The following NFAT5 variants were observed in gnomAD, a reference collection of about 807,000 sequenced individuals.
NFAT5 encodes the protein nuclear factor of activated T cells 5.
NFAT5 carries 31 observed loss-of-function variants against 166.5 expected under a neutral mutation model. The observed-to-expected ratio is 0.19, with a 90% CI of 0.14 to 0.25. The LOEUF is 0.25. NFAT5 is among the 10% of genes least tolerant of loss of function. The probability of loss-of-function intolerance (pLI) is 1.00; values close to 1 mark genes in which losing one functional copy is unlikely to be tolerated. For missense variants in NFAT5, 1,449 were observed against 1,821.8 expected (o/e 0.80, Z 3.72); for synonymous variants, 612 against 639.7 (o/e 0.96, Z 0.65).
rs947229143 is a variant in NFAT5 at position 69,696,656 on chromosome 16, T to C, written c.*305T>C. On this transcript the variant is annotated 3_prime_UTR_variant, in exon 15 of 15. Transcript: ENST00000349945. ...AGGCGCAATTTCCTTAAACGTACAGTTTAAATTCAAGGCTGGACCACTCAG... is the reference window on the plus strand; with the variant it reads ...AGGCGCAATTTCCTTAAACGTACAGCTTAAATTCAAGGCTGGACCACTCAG... The C allele has an allele frequency of 1.3e-5, 2 of 152,650 alleles. No homozygotes were observed. Among genetic ancestry groups the C allele is most frequent in the Admixed American group, 6.5e-5 (1 of 15,278 alleles). 9.5% of individuals were successfully genotyped at this position (152,650 alleles called of 1,614,324 possible).
intron 2 of NFAT5, among the ~76,000 whole-genome samples, chr16:69,613,967 A>C (rs1463151232): frequency 6.6e-6 from 1 of 152,220 alleles, no homozygotes; most frequent in Non-Finnish European, 1.5e-5. Flanking sequence ...GTGGCAAATA[A>C]GATGTCAAAC....
chr16:69,656,968 C>T (rs1261228107), intron 6 of NFAT5, among the ~76,000 whole-genome samples: 3 of 151,968 alleles, frequency 2.0e-5, no homozygotes, highest in Non-Finnish European at 2.9e-5. Context: ...AAAATTGAAC[C>T]GTAACAGCAG....
intron 3 of NFAT5, among the ~76,000 whole-genome samples, chr16:69,627,683 TG>T (rs1184163371): frequency 6.6e-5 from 10 of 152,162 alleles, no homozygotes; most frequent in African/African-American, 2.4e-4. Flanking sequence ...ACTTTAAATA[TG>T]GCAAAGAAAC....
intron 11 of NFAT5, among the ~76,000 whole-genome samples, chr16:69,688,559 A>T (rs1314157251): frequency 6.6e-6 from 1 of 151,730 alleles, no homozygotes; most frequent in Non-Finnish European, 1.5e-5. Flanking sequence ...TTTAGTAGAG[A>T]CGGGGTTTCA....
At chr16:69,623,334 CT>C (rs369209793) in intron 2 of NFAT5, among the ~76,000 whole-genome samples, 15,331 of 139,358 alleles carry the variant, frequency 0.11, 958 homozygotes, top group African/African-American at 0.2. Flanking sequence ...TTGCTAAAGG[CT>C]TTTTTTTTTT....
chr16:69,582,392 T>C (rs2031758709), intron 2 of NFAT5, among the ~76,000 whole-genome samples: 1 of 152,124 alleles, frequency 6.6e-6, no homozygotes, highest in Admixed American at 6.6e-5. Context: ...ATTTTTTCTT[T>C]GTTGCTCATG....
At chr16:69,581,464 G>C (rs988433936) in intron 2 of NFAT5, among the ~76,000 whole-genome samples, 1 of 152,170 alleles carries the variant, frequency 6.6e-6, no homozygotes, top group Non-Finnish European at 1.5e-5. Flanking sequence ...ATACATAGGA[G>C]TGGAATTATT....
Position 69,647,020 on chromosome 16 carries a change from C to T in NFAT5, c.254-8C>T, listed in dbSNP as rs199530789. The T allele has an allele frequency of 3.7e-5, 58 of 1,552,256 alleles. No homozygotes were observed. Among genetic ancestry groups the T allele is most frequent in the Non-Finnish European group, 3.5e-6 (4 of 1,147,746 alleles). On this transcript the variant is annotated splice_polypyrimidine_tract_variant and splice_region_variant and intron_variant, in intron 3 of 14. Coordinates refer to ENST00000349945, the MANE Select transcript of NFAT5 (RefSeq NM_138713.4). This position sits in a 1 kb window ranked among gnomAD's most constrained non-coding sequence, Gnocchi z 4.8. The stretch of plus-strand genomic sequence containing the variant: ...ATAGTGTATTTACTCTTGAATTGTA[C>T]ACTGCAGATGCTTCTTCAGCTCCCT...
chr16:69,579,084 C>T (rs773276439), intron 2 of NFAT5, among the ~76,000 whole-genome samples: 4 of 152,066 alleles, frequency 2.6e-5, no homozygotes, highest in Non-Finnish European at 5.9e-5. Flanking sequence ...CCATATTGGC[C>T]GGGCTGGTCT....
At chr16:69,648,679 A>C (rs2035549597) in intron 4 of NFAT5, 1 of 967,596 alleles carries the variant, frequency 1.0e-6, no homozygotes. Context: ...CTAGACTTTT[A>C]AATTAGATTT....
At chr16:69,579,777 G>A (rs1046782067) in intron 2 of NFAT5, among the ~76,000 whole-genome samples, 14 of 152,130 alleles carry the variant, frequency 9.2e-5, no homozygotes, top group African/African-American at 3.1e-4. Context: ...ATTTATCAGG[G>A]TTGTAAATAA....
chr16:69,632,843 C>T (rs1386457967), intron 3 of NFAT5, among the ~76,000 whole-genome samples: 1 of 152,088 alleles, frequency 6.6e-6, no homozygotes, highest in Non-Finnish European at 1.5e-5. Context: ...TTCTTTATGG[C>T]CATTCCCTTT....
chr16:69,587,619 C>T (rs759929978), intron 2 of NFAT5, among the ~76,000 whole-genome samples: 2 of 152,036 alleles, frequency 1.3e-5, no homozygotes, highest in African/African-American at 2.4e-5. Context: ...GAACTCCTGA[C>T]CTTAAGTGAT....
chr16:69,692,966 T>C lies in NFAT5; in HGVS notation c.3141T>C (p.Ser1047=), dbSNP rs544988356. The stretch of plus-strand genomic sequence containing the variant: ...TTAACCTTTTTTCATCCACAAAAAG[T>C]ATGATGAGTGTTCAGAATAGTGGTA... ...PQVNLFSSTK[S]MMSVQNSGTQ... is the part of the protein sequence containing the mutation. The change falls in exon 13 of 15, where the codon AGT becomes AGC. Residue 1047 remains serine, a synonymous_variant. Transcript: ENST00000349945. 6.2e-7 allele frequency: 1 copy of C among 1,614,138 alleles called. No homozygotes were observed. Among genetic ancestry groups the C allele is most frequent in the South Asian group, 1.1e-5 (1 of 91,076 alleles).
chr16:69,588,980 CTTTTTTTTTTT>C (rs945918292), intron 2 of NFAT5, among the ~76,000 whole-genome samples: 72 of 34,368 alleles, frequency 2.1e-3, no homozygotes, highest in African/African-American at 4.1e-3. Context: ...TTTCCTACTT[CTTTTTTTTTTT>C]TTTTTTTTTT....
chr16:69,642,053 C>T (rs573597232), intron 3 of NFAT5, among the ~76,000 whole-genome samples: 7 of 152,006 alleles, frequency 4.6e-5, no homozygotes, highest in Non-Finnish European at 8.8e-5. Flanking sequence ...GGGTTGTGAT[C>T]GTGCCCCTAC....
intron 2 of NFAT5, among the ~76,000 whole-genome samples, chr16:69,571,772 T>G (rs1481193107): frequency 6.6e-6 from 1 of 151,848 alleles, no homozygotes; most frequent in African/African-American, 2.4e-5. Context: ...TATTATTATT[T>G]TTTTGAGATG....
chr16:69,628,635 A>G (rs747301966), intron 3 of NFAT5, among the ~76,000 whole-genome samples: 2 of 152,232 alleles, frequency 1.3e-5, no homozygotes, highest in Non-Finnish European at 2.9e-5. Context: ...TTTATTTGAC[A>G]TACTAATATT....
chr16:69,679,192 A>G (rs1442970707), intron 10 of NFAT5, among the ~76,000 whole-genome samples: 1 of 151,948 alleles, frequency 6.6e-6, no homozygotes, highest in Non-Finnish European at 1.5e-5. Flanking sequence ...CGGCCTCCCA[A>G]AGTGCTGGGA....
Sources: allele counts gnomAD v4.1 joint callset (sites outside exome capture counted in the v4.1 genomes callset), GRCh38; gene constraint gnomAD v4.1.1; non-coding constraint Gnocchi (gnomAD v3.1); transcripts MANE v1.5; gene names NCBI Gene and HGNC (gene_info 2026-07-23, HGNC 2026-07-21).